VGLL1: variants seen among roughly 807,000 people sequenced by gnomAD.
The protein encoded by VGLL1 is vestigial like family member 1.
Under a neutral mutation model 12.0 loss-of-function variants are expected in VGLL1, and 4 were observed. That is an observed-to-expected ratio of 0.33 (90% confidence interval 0.16 to 0.76). The LOEUF is 0.76. Among genes scored for constraint, VGLL1 ranks in the 30% least tolerant of loss-of-function variants. The pLI is 0.60. For missense variants in VGLL1, 204 were observed against 208.7 expected, an observed-to-expected ratio of 0.98 and a Z score of 0.14; for synonymous variants, 87 against 81.2, an observed-to-expected ratio of 1.07 and a Z score of -0.39.
rs1170836109 is a variant in VGLL1, at chrX:136,548,633, A to G, written c.259A>G (p.Thr87Ala). 8.3e-7 allele frequency: 1 copy of G among 1,211,922 alleles called. No individual in the cohort carries two copies. Among genetic ancestry groups the G allele is most frequent in the Non-Finnish European group, 1.1e-6 (1 of 895,546 alleles). Residue 87 changes from threonine (T) to alanine (A), a missense_variant, in exon 3 of 5, where the codon ACA becomes GCA. Physicochemically the swap from Thr to Ala is moderately conservative, Grantham distance 58. Coordinates refer to ENST00000370634, the MANE Select transcript of VGLL1 (RefSeq NM_016267.4). ...TCAGTGGCGTTACTCGTCTCCATGG[A>G]CAAAGCCACAACCAGAAGTACCTGT... Reference protein sequence around the residue: ...PNQWRYSSPWTKPQPEVPVTN... With the variant: ...PNQWRYSSPWAKPQPEVPVTN...
chrX:136,554,041 T>A (rs969147829), intron 4 of VGLL1, among the ~76,000 whole-genome samples: 4 of 112,440 alleles, frequency 3.6e-5, no homozygotes, highest in Non-Finnish European at 5.6e-5. Flanking sequence ...AGGACTATAA[T>A]ATACATTGGA....
intron 2 of VGLL1, among the ~76,000 whole-genome samples, chrX:136,545,354 T>G (rs904455494): frequency 9.0e-6 from 1 of 111,443 alleles, no homozygotes; most frequent in East Asian, 2.8e-4. Flanking sequence ...GTATGTGTGT[T>G]TGTGTGTAAA....
chrX:136,548,948 C>A lies in VGLL1; in HGVS notation c.574C>A (p.Pro192Thr). ...QESAARENGN[P>T]GQIAGSTGLL... The stretch of plus-strand genomic sequence containing the variant: ...ATCTGCCGCCAGGGAGAATGGCAAC[C>A]CTGGCCAGATAGCTGGAAGCACAGG... The change falls in exon 3 of 5, where the codon CCT (proline) becomes ACT (threonine). Residue 192 changes from proline to threonine, a missense_variant. Pro to Thr is a conservative substitution (Grantham distance 38, BLOSUM62 -1). Coordinates refer to ENST00000370634, the MANE Select transcript of VGLL1 (RefSeq NM_016267.4). 8.3e-7 allele frequency: 1 copy of A among 1,212,107 alleles called. No homozygotes were observed. Among genetic ancestry groups the A allele is most frequent in the Non-Finnish European group, 1.1e-6 (1 of 895,579 alleles).
intron 1 of VGLL1, among the ~76,000 whole-genome samples, chrX:136,534,392 A>G (rs1468387355): frequency 8.9e-6 from 1 of 112,702 alleles, no homozygotes; most frequent in Non-Finnish European, 1.9e-5. Context: ...CATGTATGTG[A>G]AATTGTACAA....
At chrX:136,542,199 T>A (rs1012115076) in intron 2 of VGLL1, among the ~76,000 whole-genome samples, 12 of 103,831 alleles carry the variant, frequency 1.2e-4, no homozygotes, top group East Asian at 3.0e-4. Context: ...AGGGAAGAAA[T>A]GCTGGCTTTT....
chrX:136,548,868 G>A lies in VGLL1; in HGVS notation c.494G>A (p.Arg165His), dbSNP rs776482867. 5.5e-5 allele frequency: 67 copies of A among 1,210,684 alleles called. No individual in the cohort carries two copies. The East Asian group carries it at 9.8e-4, about 18-fold the overall frequency. The stretch of plus-strand genomic sequence containing the variant: ...CCAGAGCCCCAGCCTGATGGGAAAC[G>A]TGAGCCTCTCCTAAGTCTCCTCCAG... Reference protein sequence around the residue: ...LVPEPQPDGKREPLLSLLQQD... With the variant: ...LVPEPQPDGKHEPLLSLLQQD... Residue 165 changes from arginine (R) to histidine (H), a missense_variant, in exon 3 of 5, where the codon CGT becomes CAT. Transcript: ENST00000370634.
intron 2 of VGLL1, 140 bp downstream of exon 2, chrX:136,536,374 C>A: frequency 1.8e-6 from 1 of 562,691 alleles, no homozygotes; most frequent in East Asian, 3.6e-5. Context: ...GAAGCCACAC[C>A]CCTTCTTAGA....
At chrX:136,539,717 T>C (rs1471213236) in intron 2 of VGLL1, among the ~76,000 whole-genome samples, 5 of 111,888 alleles carry the variant, frequency 4.5e-5, no homozygotes, top group South Asian at 7.5e-4. Flanking sequence ...ATGCCATCTA[T>C]ATGTTGAGCA....
At chrX:136,535,008 TG>T (rs2075835509) in intron 1 of VGLL1, among the ~76,000 whole-genome samples, 1 of 112,042 alleles carries the variant, frequency 8.9e-6, no homozygotes, top group Non-Finnish European at 1.9e-5. Flanking sequence ...CCAGAGCACA[TG>T]GCAAGTCAGA....
intron 4 of VGLL1, among the ~76,000 whole-genome samples, chrX:136,555,305 C>T (rs1459463461): frequency 8.9e-6 from 1 of 111,932 alleles, no homozygotes; most frequent in Non-Finnish European, 1.9e-5. Context: ...GTGATGTGGA[C>T]AGGAGCCAGA....
In VGLL1 at chrX:136,548,750, C is replaced by G; in HGVS notation, c.376C>G (p.Arg126Gly). The G allele has an allele frequency of 4.1e-6, 5 of 1,211,955 alleles. No individual in the cohort carries two copies. The highest frequency in any genetic ancestry group is 3.3e-6 in the Non-Finnish European group (3 of 895,588). ...GTCCCTGGCTAGGAGGGCCTCTGTT[C>G]GGCCTGGGGAGCTGTGGCATTTCTC... ...SPSLARRASV[R>G]PGELWHFSSL... The change falls in exon 3 of 5, where the codon CGG becomes GGG. Residue 126 changes from arginine (R) to glycine (G), a missense_variant. Transcript: ENST00000370634.
chrX:136,544,066 G>T (rs2075863525), intron 2 of VGLL1, among the ~76,000 whole-genome samples: 1 of 111,883 alleles, frequency 8.9e-6, no homozygotes, highest in Non-Finnish European at 1.9e-5. Context: ...TTTACAACGT[G>T]ACATCATTTT....
chrX:136,553,007 G>A (rs1245600356), intron 4 of VGLL1, among the ~76,000 whole-genome samples: 1 of 111,836 alleles, frequency 8.9e-6, no homozygotes, highest in Non-Finnish European at 1.9e-5. Context: ...TTTCCTTGCA[G>A]AGAGTAGTTG....
In VGLL1 at chrX:136,542,212, T is replaced by A. The variant is rs192732162; in HGVS notation, c.214+5978T>A. ...GTAGGGAAGAAATGCTGGCTTTTTT[T>A]AAAAAAAAAAAGTGTAAATATCTAT... On this transcript the variant is annotated intron_variant, in intron 2 of 4. Transcript: ENST00000370634. Among the ~76,000 whole-genome samples, 477 of 105,508 alleles carry A rather than the reference T, an allele frequency of 4.5e-3. 3 individuals carry two copies. The highest frequency in any genetic ancestry group is 0.011 in the African/African-American group (333 of 29,120). 91.6% of individuals were successfully genotyped at this position (105,508 alleles called of 115,157 possible).
At chrX:136,535,057 A>T (rs1474472275) in intron 1 of VGLL1, among the ~76,000 whole-genome samples, 1 of 112,023 alleles carries the variant, frequency 8.9e-6, no homozygotes, top group African/African-American at 3.3e-5. Flanking sequence ...CTGACAGGCT[A>T]CTTCCCTAGT....
chrX:136,534,987 C>T (rs943252450), intron 1 of VGLL1, among the ~76,000 whole-genome samples: 6 of 111,994 alleles, frequency 5.4e-5, no homozygotes, highest in African/African-American at 1.9e-4. Context: ...ATAGGTCAAA[C>T]CCATCTTTAG....
intron 2 of VGLL1, among the ~76,000 whole-genome samples, chrX:136,545,052 C>A (rs953134905): frequency 8.9e-6 from 1 of 112,566 alleles, no homozygotes; most frequent in Non-Finnish European, 1.9e-5. Context: ...ACAGCTACCA[C>A]TTATTGAGTG....
intron 2 of VGLL1, among the ~76,000 whole-genome samples, chrX:136,541,996 T>C (rs1180243519): frequency 9.0e-6 from 1 of 111,147 alleles, no homozygotes; most frequent in Non-Finnish European, 1.9e-5. Flanking sequence ...GGGGGCATGG[T>C]CCTGGTACGT....
Position 136,545,701 on chromosome X carries a change from C to A in VGLL1, c.215-2888C>A, listed in dbSNP as rs781338715. On this transcript the variant is annotated intron_variant, in intron 2 of 4. Transcript: ENST00000370634. ...ACTAATCTGGAATAGGAAGTCAGGG[C>A]CTCCATGCAAGGATAAAGTGGAGGG... Among the ~76,000 whole-genome samples, 3 of 111,274 alleles carry A rather than the reference C, an allele frequency of 2.7e-5. No homozygotes were observed. The East Asian group carries it at 8.5e-4, about 31-fold the overall frequency.
Sources: gnomAD v4.1 joint callset for allele counts (sites outside exome capture counted in the v4.1 genomes callset) on GRCh38, gnomAD v4.1.1 for gene constraint, MANE v1.5 for transcripts, NCBI Gene and HGNC (gene_info 2026-07-23, HGNC 2026-07-21) for gene names.